RHOBTB1: variants seen among roughly 807,000 people sequenced by gnomAD.
The protein encoded by RHOBTB1 is rho-related BTB domain-containing protein 1.
A neutral mutation model predicts 71.6 loss-of-function variants in RHOBTB1; 40 were observed. The observed-to-expected ratio is 0.56, with a 90% CI of 0.43 to 0.73. The LOEUF (loss-of-function observed/expected upper bound fraction) is 0.73, where lower values mean the gene tolerates loss of function less well. RHOBTB1 is among the 30% of genes least tolerant of loss of function. The pLI is 0.00. For missense variants in RHOBTB1, 797 were observed against 894.0 expected (o/e 0.89, Z 1.38); for synonymous variants, 319 against 334.9 (o/e 0.95, Z 0.52).
Position 60,871,521 on chromosome 10 carries a change from T to C in RHOBTB1, c.2052A>G (p.Arg684=), listed in dbSNP as rs764480671. ...DIALNKHRSR[R]KWCFWNSSPA... ...GAGATGAATTCCAGAAGCACCACTTTCGTCTTGAGCGATGCTTATTTAGTG... is the reference window on the plus strand; with the variant it reads ...GAGATGAATTCCAGAAGCACCACTTCCGTCTTGAGCGATGCTTATTTAGTG... The change falls in exon 11 of 11, where the codon CGA becomes CGG. Residue 684 remains arginine, a synonymous_variant. Transcript: ENST00000337910. 6.2e-7 allele frequency: 1 copy of C among 1,614,196 alleles called. No individual in the cohort carries two copies. Among genetic ancestry groups the C allele is most frequent in the Non-Finnish European group, 8.5e-7 (1 of 1,180,012 alleles).
rs201494099 is a variant in RHOBTB1, at chr10:60,871,661, G to C, written c.1922-10C>G. On this transcript the variant is annotated splice_polypyrimidine_tract_variant and intron_variant, in intron 10 of 10. Transcript: ENST00000337910. The stretch of plus-strand genomic sequence containing the variant: ...AAGTATTCCTGGTTGTCTGGTGAAG[G>C]AAAGATGCAGACCATAAGACCTGCG... The C allele has an allele frequency of 2.3e-5, 37 of 1,612,568 alleles. No homozygotes were observed. In the African/African-American group the frequency reaches 4.0e-4, roughly 17 times the overall value.
intron 4 of RHOBTB1, among the ~76,000 whole-genome samples, chr10:60,907,446 G>T (rs1345731081): frequency 6.6e-6 from 1 of 152,104 alleles, no homozygotes; most frequent in Non-Finnish European, 1.5e-5. Flanking sequence ...TTTTGTTCCT[G>T]ACATTTTAAA....
Position 60,923,421 on chromosome 10 carries a change from C to T in RHOBTB1, c.-10-11869G>A, listed in dbSNP as rs542255620. 2.9e-4 allele frequency among the ~76,000 whole-genome samples: 44 copies of T among 152,220 alleles called. 1 individual carries two copies. The South Asian group carries it at 8.9e-3, about 31-fold the overall frequency. ...CAAGTACAAATGAAATATAAGGTCA[C>T]CAAATTGAAAGCCGTGCTGGCAACA... On this transcript the variant is annotated intron_variant, in intron 2 of 10. Coordinates refer to ENST00000337910, the MANE Select transcript of RHOBTB1 (RefSeq NM_014836.5).
intron 1 of RHOBTB1, among the ~76,000 whole-genome samples, chr10:60,992,582 A>G (rs747916276): frequency 4.6e-5 from 7 of 152,202 alleles, no homozygotes; most frequent in Non-Finnish European, 8.8e-5. Flanking sequence ...CCATATGGTG[A>G]CAGAATTCTA....
chr10:60,906,810 A>G (rs2082703618), intron 4 of RHOBTB1, among the ~76,000 whole-genome samples: 1 of 152,192 alleles, frequency 6.6e-6, no homozygotes, highest in African/African-American at 2.4e-5. Flanking sequence ...GGGGAAAAAA[A>G]AAACAATAAA....
At chr10:60,897,085 T>A (rs529276221) in intron 4 of RHOBTB1, among the ~76,000 whole-genome samples, 1 of 152,126 alleles carries the variant, frequency 6.6e-6, no homozygotes, top group Non-Finnish European at 1.5e-5. Context: ...TTGGGACCAA[T>A]CTTTGTTGGA....
At chr10:60,892,679 T>G in intron 5 of RHOBTB1, 131 bp downstream of exon 5, 1 of 710,594 alleles carries the variant, frequency 1.4e-6, no homozygotes, top group Non-Finnish European at 2.2e-6. Flanking sequence ...ATTTATGGGC[T>G]GACTTAAAAC....
rs578186984 is a variant in RHOBTB1 at position 60,878,072 on chromosome 10, C to T, written c.1576-14G>A. 6.2e-6 allele frequency: 10 copies of T among 1,604,934 alleles called. No homozygotes were observed. The highest frequency in any genetic ancestry group is 8.5e-6 in the Non-Finnish European group (10 of 1,175,734). On this transcript the variant is annotated splice_polypyrimidine_tract_variant and intron_variant, in intron 7 of 10. Coordinates refer to ENST00000337910, the MANE Select transcript of RHOBTB1 (RefSeq NM_014836.5). ...CGGGAGATACACCTGAAATGTTATA[C>T]AAAAAGCTAAATTCTGCTGCAGAAA...
intron 3 of RHOBTB1, 40 bp from the exon 4 acceptor site, chr10:60,911,030 C>T: frequency 6.5e-7 from 1 of 1,538,588 alleles, no homozygotes. Flanking sequence ...CGGTGTCAGT[C>T]AGAAGTTCCC....
In RHOBTB1 at chr10:60,910,992, T is replaced by C; in HGVS notation, c.193-2A>G. ...AACATCCCGAGAACGCTCCAAGACC[T>C]GCAGGAGAGAGAGAGAGCATCTGTG... On this transcript the variant is annotated splice_acceptor_variant, in intron 3 of 10. Coordinates refer to ENST00000337910, the MANE Select transcript of RHOBTB1 (RefSeq NM_014836.5). LOFTEE classifies it high-confidence loss of function. 6.2e-7 allele frequency: 1 copy of C among 1,612,178 alleles called. No individual in the cohort carries two copies. The highest frequency in any genetic ancestry group is 8.5e-7 in the Non-Finnish European group (1 of 1,178,554).
At chr10:60,897,026 G>T (rs1174584279) in intron 4 of RHOBTB1, among the ~76,000 whole-genome samples, 1 of 152,122 alleles carries the variant, frequency 6.6e-6, no homozygotes, top group East Asian at 1.9e-4. Flanking sequence ...AAGATAGCAT[G>T]TGAAAGATTG....
chr10:60,934,435 C>T lies in RHOBTB1; in HGVS notation c.-11+7369G>A, dbSNP rs1160319722. Among the ~76,000 whole-genome samples the T allele has an allele frequency of 2.0e-5, 3 of 152,138 alleles. No homozygotes were observed. The East Asian group carries it at 5.8e-4, about 29-fold the overall frequency. On this transcript the variant is annotated intron_variant, in intron 2 of 10. Transcript: ENST00000337910. The stretch of plus-strand genomic sequence containing the variant: ...CATAGAACAATGCAACAAGGATACA[C>T]CTGTTGAATGCTAGGTACAGGAACA...
At chr10:60,893,509 C>T (rs1409623562) in intron 4 of RHOBTB1, among the ~76,000 whole-genome samples, 1 of 152,142 alleles carries the variant, frequency 6.6e-6, no homozygotes, top group Non-Finnish European at 1.5e-5. Flanking sequence ...GCCCTTCTTC[C>T]CACTTATGCA....
At chr10:60,953,279 T>C (rs1421392930) in intron 2 of RHOBTB1, among the ~76,000 whole-genome samples, 1 of 152,202 alleles carries the variant, frequency 6.6e-6, no homozygotes, top group Non-Finnish European at 1.5e-5. Flanking sequence ...AGTGGGGGAA[T>C]AAGCTATACA....
intron 2 of RHOBTB1, among the ~76,000 whole-genome samples, chr10:60,984,274 C>T (rs2086592924): frequency 6.6e-6 from 1 of 152,112 alleles, no homozygotes; most frequent in Admixed American, 6.5e-5. Context: ...GATTGGAAGT[C>T]TGTTCAGCAT....
At chr10:60,890,745 T>G (rs550630543) in intron 5 of RHOBTB1, among the ~76,000 whole-genome samples, 2 of 152,238 alleles carry the variant, frequency 1.3e-5, no homozygotes, top group East Asian at 3.9e-4. Flanking sequence ...ACGACTTAGA[T>G]GAAAAGGAGG....
chr10:60,872,122 A>C (rs1341466209), intron 10 of RHOBTB1, 63 bp downstream of exon 10: 2 of 1,208,188 alleles, frequency 1.7e-6, no homozygotes, highest in Non-Finnish European at 2.5e-6. Flanking sequence ...AGGGACATAG[A>C]AGATAAAAGC....
chr10:60,864,883 G>A (rs1024854428), downstream of RHOBTB1, among the ~76,000 whole-genome samples: 2 of 152,102 alleles, frequency 1.3e-5, no homozygotes, highest in African/African-American at 4.8e-5. Flanking sequence ...TAGAGATGGG[G>A]TTTTACCATG....
intron 5 of RHOBTB1, among the ~76,000 whole-genome samples, chr10:60,890,304 C>T (rs560210871): frequency 6.6e-6 from 1 of 152,150 alleles, no homozygotes; most frequent in Non-Finnish European, 1.5e-5. Context: ...ACACCCACTC[C>T]TCACATTTTA....
Sources: allele counts gnomAD v4.1 joint callset (sites outside exome capture counted in the v4.1 genomes callset), GRCh38; gene constraint gnomAD v4.1.1; transcripts MANE v1.5; gene names NCBI Gene and HGNC (gene_info 2026-07-23, HGNC 2026-07-21).